The following HIGD1C variants were observed in gnomAD, a reference collection of about 807,000 sequenced individuals.
HIGD1C encodes the protein HIG1 hypoxia inducible domain family member 1C.
Under a neutral mutation model 13.1 loss-of-function variants are expected in HIGD1C, and 11 were observed. The ratio of observed to expected loss-of-function variants is 0.84; its 90% confidence interval spans 0.53 to 1.39. The LOEUF (loss-of-function observed/expected upper bound fraction) is 1.39, where lower values mean the gene tolerates loss of function less well. HIGD1C is among the 40% of genes most tolerant of loss of function. The pLI is 0.00. For missense variants in HIGD1C, 110 were observed against 112.0 expected (o/e 0.98, Z 0.08); for synonymous variants, 36 against 37.7 (o/e 0.95, Z 0.17).
chr12:50,960,197 T>C (rs887336815), intron 1 of HIGD1C, among the ~76,000 whole-genome samples: 8 of 152,212 alleles, frequency 5.3e-5, no homozygotes, highest in African/African-American at 1.7e-4. Flanking sequence ...TGTGCATATA[T>C]TCATACCTTT....
chr12:50,935,423 C>A, the HIGD1C span: 5 of 152,248 alleles, frequency 3.3e-5, no homozygotes, highest in African/African-American at 1.2e-4. Context: ...ATCTTGGGAA[C>A]CTGCAGAGAA....
At chr12:50,958,282 C>CT (rs71089718) in intron 1 of HIGD1C, among the ~76,000 whole-genome samples, 38,638 of 133,936 alleles carry the variant, frequency 0.29, 6,190 homozygotes, top group African/African-American at 0.42. Context: ...CTAAAATAAT[C>CT]TTTTTTTTTT....
intron 2 of HIGD1C, among the ~76,000 whole-genome samples, chr12:50,961,550 T>C (rs1440660551): frequency 6.6e-6 from 1 of 152,224 alleles, no homozygotes; most frequent in Non-Finnish European, 1.5e-5. Context: ...GCCTTCTTCT[T>C]TCCTTCCAAG....
intron 2 of HIGD1C, among the ~76,000 whole-genome samples, chr12:50,966,180 C>G (rs12366476): frequency 0.15 from 22,230 of 152,162 alleles, 1,867 homozygotes; most frequent in South Asian, 0.26. Context: ...AGGATCCCAT[C>G]ATCCCCATTG....
the HIGD1C span, among the ~76,000 whole-genome samples, chr12:50,935,988 T>A: frequency 2.0e-5 from 3 of 151,988 alleles, no homozygotes; most frequent in African/African-American, 7.2e-5. Context: ...TGAAACCTCA[T>A]CTCTACTAAA....
At chr12:50,971,315 T>C (rs915051047), downstream of HIGD1C, among the ~76,000 whole-genome samples, 8 of 152,244 alleles carry the variant, frequency 5.3e-5, no homozygotes, top group African/African-American at 1.9e-4. Context: ...AATGGTCATG[T>C]TGTTATATAA....
At chr12:50,939,894 G>A in the HIGD1C span, 1 of 147,048 alleles carries the variant, frequency 6.8e-6, no homozygotes, top group Non-Finnish European at 1.5e-5. Flanking sequence ...ATGTAGCCTT[G>A]AAATTCCAAT....
chr12:50,960,854 T>C (rs1319732901), intron 1 of HIGD1C, 114 bp from the exon 4 acceptor site: 18 of 866,926 alleles, frequency 2.1e-5, no homozygotes, highest in Non-Finnish European at 3.1e-5. Flanking sequence ...GGCTAATTTT[T>C]TTTTTTTTAG....
the HIGD1C span, among the ~76,000 whole-genome samples, chr12:50,948,396 A>G: frequency 2.6e-5 from 4 of 152,180 alleles, no homozygotes; most frequent in African/African-American, 9.7e-5. Context: ...CTAAAGCCTG[A>G]CAACACATTC....
At position 50,962,189 on chromosome 12, in the gene HIGD1C, C is replaced by T. The variant is rs867706442; in HGVS notation, c.229+1087C>T. Among the ~76,000 whole-genome samples, 5 of 152,162 alleles carry T rather than the reference C, an allele frequency of 3.3e-5. No individual in the cohort carries two copies. In the Middle Eastern group the frequency reaches 0.01, roughly 311 times the overall value. ...TCAACTGAGGTAAGGAGTTCGATAC[C>T]AGCCTGGCCAACATGGCAAAACCCC... On this transcript the variant is annotated intron_variant, in intron 2 of 2. Coordinates refer to ENST00000398455, the Ensembl canonical transcript of HIGD1C.
chr12:50,966,696 G>A (rs1939553193), intron 2 of HIGD1C, among the ~76,000 whole-genome samples: 1 of 152,192 alleles, frequency 6.6e-6, no homozygotes. Flanking sequence ...TGGAAGGACT[G>A]CTTCTATTGG....
chr12:50,945,120 C>T, the HIGD1C span, among the ~76,000 whole-genome samples: 1 of 152,152 alleles, frequency 6.6e-6, no homozygotes, highest in Admixed American at 6.5e-5. Context: ...AACCCACAGC[C>T]AATATCATAC....
rs151336355 is a variant in HIGD1C, at chr12:50,960,959, A to C, written c.95-9A>C. 3.0e-3 allele frequency: 4,708 copies of C among 1,558,692 alleles called. 8 individuals are homozygous for C. Among genetic ancestry groups the C allele is most frequent in the Non-Finnish European group, 3.8e-3 (4,407 of 1,150,168 alleles). ...CCTTCCAAATAACCCATACTTTTAA[A>C]ATTCACAGGTATAGCAGGCTTTGTG... On this transcript the variant is annotated splice_polypyrimidine_tract_variant and intron_variant, in intron 1 of 2. Coordinates refer to ENST00000398455, the Ensembl canonical transcript of HIGD1C.
chr12:50,969,225 C>T (rs1426450358), intron 2 of HIGD1C, among the ~76,000 whole-genome samples: 4 of 151,848 alleles, frequency 2.6e-5, no homozygotes. Context: ...ATCTGGGAGG[C>T]GGAGGCTGCA....
upstream of HIGD1C, among the ~76,000 whole-genome samples, chr12:50,950,291 G>T (rs1214336409): frequency 5.3e-5 from 8 of 152,086 alleles, no homozygotes; most frequent in African/African-American, 1.7e-4. Context: ...AATAACAAAG[G>T]CAGAAGAGAA....
the HIGD1C span, among the ~76,000 whole-genome samples, chr12:50,939,546 G>T: frequency 0.15 from 23,305 of 152,074 alleles, 1,972 homozygotes; most frequent in South Asian, 0.27. Context: ...CTGTATTTAG[G>T]GCTGTCAGTG....
exon 1 of HIGD1C, chr12:50,954,028 T>C (rs545500673): frequency 1.2e-6 from 2 of 1,613,122 alleles, no homozygotes; most frequent in South Asian, 2.2e-5. Context: ...GGTCAGCAGA[T>C]GAGGATGAAG....
the HIGD1C span, among the ~76,000 whole-genome samples, chr12:50,944,996 T>C: frequency 6.6e-6 from 1 of 152,106 alleles, no homozygotes; most frequent in African/African-American, 2.4e-5. Context: ...CACATGATTA[T>C]CTCAATACAT....
chr12:50,935,894 G>A, the HIGD1C span, among the ~76,000 whole-genome samples: 36 of 151,976 alleles, frequency 2.4e-4, no homozygotes, highest in African/African-American at 5.3e-4. Context: ...ACAGTGGCTC[G>A]TGCCTGTAAT....
Sources: gnomAD v4.1 joint callset for allele counts (sites outside exome capture counted in the v4.1 genomes callset) on GRCh38, gnomAD v4.1.1 for gene constraint, MANE v1.5 for transcripts, NCBI Gene and HGNC (gene_info 2026-07-23, HGNC 2026-07-21) for gene names.